Variants in DCAF8 observed in about 807,000 individuals in gnomAD.
The protein encoded by DCAF8 is DDB1 and CUL4 associated factor 8, also known as DDB1- and CUL4-associated factor 8.
In DCAF8, 20 loss-of-function variants were observed where a neutral mutation model predicts 68.0. The observed-to-expected ratio is 0.29, with a 90% CI of 0.21 to 0.43. The LOEUF (loss-of-function observed/expected upper bound fraction) is 0.43. Ranked by LOEUF, DCAF8 falls within the 20% of genes least tolerant of loss-of-function variation. The pLI, the probability that DCAF8 is intolerant of heterozygous loss-of-function variation, is 1.00. For missense variants in DCAF8, 460 were observed against 771.0 expected (o/e 0.60, Z 4.78); for synonymous variants, 230 against 276.9 (o/e 0.83, Z 1.68).
intron 7 of DCAF8, among the ~76,000 whole-genome samples, chr1:160,226,706 T>C (rs182323092): frequency 6.6e-6 from 1 of 152,338 alleles, no homozygotes; most frequent in Non-Finnish European, 1.5e-5. Flanking sequence ...CTCCTTCCCC[T>C]TACAGTTACA....
rs1188415633 is a variant in DCAF8 at position 160,216,089 on chromosome 1, A to T, written c.*1503T>A. ...GCTGGGACTTTCAGACTCAGTGACC[A>T]GTGATAAGACAAGTGCCCAAGCTCC... On this transcript the variant is annotated 3_prime_UTR_variant, in exon 14 of 14. Coordinates refer to ENST00000368074, the MANE Select transcript of DCAF8 (RefSeq NM_015726.4). 1.3e-5 allele frequency: 2 copies of T among 152,190 alleles called. No individual in the cohort carries two copies. The highest frequency in any genetic ancestry group is 2.9e-5 in the Non-Finnish European group (2 of 68,050). 9.4% of individuals were successfully genotyped at this position (152,190 alleles called of 1,614,324 possible). A position where few individuals can be genotyped will look rare whatever the true frequency, so the allele number is the denominator to read the frequency against.
rs1657146242 is a variant in DCAF8, at chr1:160,262,463, G to GCCACCA, written c.-121_-116dup. 7.5e-6 allele frequency: 3 copies of GCCACCA among 401,260 alleles called. No individual in the cohort carries two copies. In the South Asian group the frequency reaches 3.8e-4, roughly 51 times the overall value. 24.9% of individuals were successfully genotyped at this position (401,260 alleles called of 1,614,324 possible). A position where few individuals can be genotyped will look rare whatever the true frequency, so the allele number is the denominator to read the frequency against. ...CGCCATCTTACACTGGCCAGCGGCC[G>GCCACCA]CCACCACCACCGCCTCCGCTCTCTG... On this transcript the variant is annotated 5_prime_UTR_variant, in exon 1 of 14. Transcript: ENST00000368074.
intron 1 of DCAF8, chr1:160,261,663 G>C (rs1231478305): frequency 6.6e-6 from 1 of 152,206 alleles, no homozygotes; most frequent in Non-Finnish European, 1.5e-5. Context: ...AGAAGCCACA[G>C]AGCAGGGGGG....
At chr1:160,254,945 T>C (rs1452357365) in intron 2 of DCAF8, among the ~76,000 whole-genome samples, 1 of 152,230 alleles carries the variant, frequency 6.6e-6, no homozygotes, top group African/African-American at 2.4e-5. Flanking sequence ...ATTACCACCC[T>C]GCAGGAATTT....
chr1:160,238,043 A>G lies in DCAF8; in HGVS notation c.864+564T>C, dbSNP rs562538140. Among the ~76,000 whole-genome samples, 4 of 152,310 alleles carry G rather than the reference A, an allele frequency of 2.6e-5. No individual in the cohort carries two copies. In the South Asian group the frequency reaches 6.2e-4, roughly 24 times the overall value. Reference sequence around the variant, plus strand: ...AGAAAAGGATACTCCAGGTCCACCTATATTTTTGCTTAGGGTTTCTAAGAG... The same window carrying G: ...AGAAAAGGATACTCCAGGTCCACCTGTATTTTTGCTTAGGGTTTCTAAGAG... On this transcript the variant is annotated intron_variant, in intron 5 of 13. Transcript: ENST00000368074.
intron 9 of DCAF8, 72 bp downstream of exon 9, chr1:160,224,990 T>A: frequency 6.9e-7 from 1 of 1,451,774 alleles, no homozygotes. Flanking sequence ...GGAGGGCACA[T>A]GCCTCACTGG....
intron 6 of DCAF8, among the ~76,000 whole-genome samples, chr1:160,233,736 A>C (rs765620945): frequency 6.6e-6 from 1 of 152,208 alleles, no homozygotes; most frequent in Non-Finnish European, 1.5e-5. Context: ...CTGGCTCCAC[A>C]GTTATGTAAT....
chr1:160,229,848 C>CCCA (rs1655611508), intron 7 of DCAF8, among the ~76,000 whole-genome samples: 2 of 152,134 alleles, frequency 1.3e-5, no homozygotes, highest in South Asian at 4.2e-4. Context: ...ACGGTGAGAC[C>CCCA]TCGGTTCTAC....
In DCAF8 at chr1:160,217,590, C is replaced by G; in HGVS notation, c.*2G>C. The G allele has an allele frequency of 6.2e-7, 1 of 1,610,168 alleles. No individual in the cohort carries two copies. The highest frequency in any genetic ancestry group is 8.5e-7 in the Non-Finnish European group (1 of 1,177,512). The stretch of plus-strand genomic sequence containing the variant: ...CAGCCTGCCCCACCTAGGTATGAGG[C>G]CTCAAGATGGCATGCACTGCACCCG... On this transcript the variant is annotated 3_prime_UTR_variant, in exon 14 of 14. Transcript: ENST00000368074.
chr1:160,228,392 G>A (rs1490545511), intron 7 of DCAF8, among the ~76,000 whole-genome samples: 6 of 152,082 alleles, frequency 3.9e-5, no homozygotes, highest in Admixed American at 3.9e-4. Context: ...AAGAACTGGG[G>A]AATGAAGAGA....
intron 2 of DCAF8, among the ~76,000 whole-genome samples, chr1:160,257,416 C>T (rs1656880845): frequency 6.6e-6 from 1 of 152,106 alleles, no homozygotes; most frequent in African/African-American, 2.4e-5. Flanking sequence ...AACTTTTATA[C>T]AGTAGAAATA....
rs1277333944 is a variant in DCAF8, at chr1:160,262,462, C to A, written c.-114G>T. ...CCGCCATCTTACACTGGCCAGCGGCCGCCACCACCACCGCCTCCGCTCTCT... is the reference window on the plus strand; with the variant it reads ...CCGCCATCTTACACTGGCCAGCGGCAGCCACCACCACCGCCTCCGCTCTCT... On this transcript the variant is annotated 5_prime_UTR_variant, in exon 1 of 14. Transcript: ENST00000368074. 1.0e-5 allele frequency: 4 copies of A among 401,274 alleles called. No individual in the cohort carries two copies. In the Admixed American group the frequency reaches 1.8e-4, roughly 18 times the overall value. The allele number at this position is 401,274 out of a possible 1,614,324, so 24.9% of individuals were successfully genotyped here.
chr1:160,236,480 A>G (rs908932279), intron 6 of DCAF8, among the ~76,000 whole-genome samples: 5 of 152,040 alleles, frequency 3.3e-5, no homozygotes, highest in Non-Finnish European at 5.9e-5. Flanking sequence ...AAACTACTAG[A>G]GAGGGAAGGA....
At chr1:160,251,612 A>G (rs763115995) in intron 2 of DCAF8, among the ~76,000 whole-genome samples, 3 of 152,030 alleles carry the variant, frequency 2.0e-5, no homozygotes, top group Non-Finnish European at 4.4e-5. Context: ...AGCTGGGACT[A>G]CAGGTGCATA....
chr1:160,246,940 C>T (rs952446194), intron 2 of DCAF8, among the ~76,000 whole-genome samples: 1 of 152,164 alleles, frequency 6.6e-6, no homozygotes, highest in African/African-American at 2.4e-5. Flanking sequence ...GGCAGGACGA[C>T]AGAGCAAGAC....
chr1:160,260,379 C>T (rs879559563), intron 2 of DCAF8, among the ~76,000 whole-genome samples: 6 of 152,186 alleles, frequency 3.9e-5, no homozygotes, highest in African/African-American at 1.4e-4. Flanking sequence ...CACATATACA[C>T]CATCACTAAT....
At chr1:160,224,631 T>C in intron 9 of DCAF8, 82 bp from the exon 10 acceptor site, 1 of 1,034,260 alleles carries the variant, frequency 9.7e-7, no homozygotes, top group East Asian at 2.4e-5. Context: ...GTGGGGCTTC[T>C]TGCCAGTAGT....
At chr1:160,248,110 A>G (rs557527919) in intron 2 of DCAF8, among the ~76,000 whole-genome samples, 1 of 152,104 alleles carries the variant, frequency 6.6e-6, no homozygotes, top group Non-Finnish European at 1.5e-5. Flanking sequence ...GTTCGAGATC[A>G]GCCTGGCCAA....
chr1:160,235,914 T>C (rs536617222), intron 6 of DCAF8, among the ~76,000 whole-genome samples: 2 of 152,260 alleles, frequency 1.3e-5, no homozygotes, highest in South Asian at 2.1e-4. Context: ...AATTTTTGTA[T>C]TTTTAGTAGA....
Sources: gnomAD v4.1 joint callset for allele counts (sites outside exome capture counted in the v4.1 genomes callset) on GRCh38, gnomAD v4.1.1 for gene constraint, MANE v1.5 for transcripts, NCBI Gene and HGNC (gene_info 2026-07-23, HGNC 2026-07-21) for gene names.